Variants in PRG4 observed in about 807,000 individuals in gnomAD.
PRG4 encodes proteoglycan 4.
PRG4 carries 61 observed loss-of-function variants against 91.2 expected under a neutral mutation model. That is an observed-to-expected ratio of 0.67 (90% CI 0.54 to 0.83). The LOEUF is 0.83. Among genes scored for constraint, PRG4 ranks in the 40% least tolerant of loss-of-function variants. The pLI, the probability that PRG4 is intolerant of heterozygous loss-of-function variation, is 0.00. For synonymous variants in PRG4, 576 were observed against 614.2 expected (o/e 0.94, Z 0.92); for missense variants, 1,564 against 1,714.2 (o/e 0.91, Z 1.55).
Position 186,300,073 on chromosome 1 carries a change from A to G in PRG4, c.77-18A>G, listed in dbSNP as rs771191587. On this transcript the variant is annotated intron_variant, in intron 2 of 12. Coordinates refer to ENST00000445192, the MANE Select transcript of PRG4 (RefSeq NM_005807.6). ...AAAGTGGTTTGGCCATATTTACGCCAGTATTGTATAATTTTAGATTTATCA... is the reference window on the plus strand; with the variant it reads ...AAAGTGGTTTGGCCATATTTACGCCGGTATTGTATAATTTTAGATTTATCA... The G allele has an allele frequency of 3.7e-6, 6 of 1,613,866 alleles. No homozygotes were observed. The Admixed American group carries it at 1.0e-4, about 27-fold the overall frequency.
At chr1:186,312,442 G>A in intron 11 of PRG4, 70 bp downstream of exon 11, 14 of 1,392,028 alleles carry the variant, frequency 1.0e-5, no homozygotes, top group Non-Finnish European at 1.4e-5. Context: ...TATACAGTAA[G>A]GCTTATGAAA....
chr1:186,308,702 ACT>A lies in PRG4; in HGVS notation c.2984_2985del (p.Thr995ArgfsTer7). The A allele has an allele frequency of 6.2e-7, 1 of 1,613,332 alleles. No individual in the cohort carries two copies. The highest frequency in any genetic ancestry group is 8.5e-7 in the Non-Finnish European group (1 of 1,179,870). Reference protein sequence around the residue: ...VTTTKKTITTTEIMNKPEETA... With the variant: ...VTTTKKTITTXEIMNKPEETA... ...TACAACAAAAAAGACAATTACTACCACTGAGATTATGAACAAACCTGAAGAAA... is the reference window on the plus strand; with the variant it reads ...TACAACAAAAAAGACAATTACTACCAGAGATTATGAACAAACCTGAAGAAA... On this transcript the variant is annotated frameshift_variant, in exon 7 of 13. Transcript: ENST00000445192. LOFTEE classifies it high-confidence loss of function.
At chr1:186,312,088 C>T (rs1450710617) in intron 10 of PRG4, 87 bp from the exon 11 acceptor site, 38 of 1,104,176 alleles carry the variant, frequency 3.4e-5, no homozygotes, top group Non-Finnish European at 4.9e-5. Context: ...AAACTGTTTC[C>T]TATACATTGT....
intron 3 of PRG4, among the ~76,000 whole-genome samples, chr1:186,301,212 A>G (rs1656194719): frequency 6.6e-6 from 1 of 152,190 alleles, no homozygotes; most frequent in African/African-American, 2.4e-5. Context: ...ACATTCAATT[A>G]CTGTGAATCT....
Position 186,308,765 on chromosome 1 carries a change from G to T in PRG4, c.3046G>T (p.Ala1016Ser). ...KPKDRATNSK[A>S]TTPKPQKPTK... is the part of the protein sequence containing the mutation. ...AAAAGACAGAGCTACTAATTCTAAA[G>T]CGACAACTCCTAAACCTCAAAAGCC... The change falls in exon 7 of 13, where the codon GCG becomes TCG. Residue 1016 changes from alanine (A) to serine (S), a missense_variant. This residue lies in a region of PRG4 where 1,079 missense variants were observed against 1,162.2 expected (regional missense o/e 0.93). Transcript: ENST00000445192. 1 of 1,613,632 alleles carries T rather than the reference G, an allele frequency of 6.2e-7. No individual in the cohort carries two copies. The highest frequency in any genetic ancestry group is 8.5e-7 in the Non-Finnish European group (1 of 1,179,928).
chr1:186,311,294 C>A (rs1657203394), intron 9 of PRG4, 124 bp downstream of exon 9: 3 of 1,411,682 alleles, frequency 2.1e-6, no homozygotes. Context: ...AAAATTTAAT[C>A]ATAATTCAAC....
intron 8 of PRG4, 96 bp from the exon 9 acceptor site, chr1:186,310,938 C>T: frequency 1.5e-6 from 2 of 1,353,776 alleles, no homozygotes; most frequent in African/African-American, 1.4e-5. Flanking sequence ...TCCAGTCATA[C>T]AATGCATAAG....
chr1:186,296,458 T>C (rs1655868550), intron 1 of PRG4, among the ~76,000 whole-genome samples, 165 bp downstream of exon 1: 1 of 152,206 alleles, frequency 6.6e-6, no homozygotes, highest in Admixed American at 6.5e-5. Flanking sequence ...TAAGAAAAAG[T>C]TGGAACAGTA....
At chr1:186,298,996 T>C (rs1370380430) in intron 2 of PRG4, among the ~76,000 whole-genome samples, 1 of 152,228 alleles carries the variant, frequency 6.6e-6, no homozygotes, top group Non-Finnish European at 1.5e-5. Flanking sequence ...ATATTCAGAC[T>C]TTGGCATTCC....
In PRG4 at chr1:186,300,148, A is replaced by G. The variant is rs755333400; in HGVS notation, c.134A>G (p.Asn45Ser). The change falls in exon 3 of 13, where the codon AAC becomes AGC. Residue 45 changes from asparagine (N) to serine (S), a missense_variant. By Grantham distance (46) the Asn-to-Ser change is conservative. This residue lies in a region of PRG4 where 437 missense variants were observed against 459.0 expected (regional missense o/e 0.95). Transcript: ENST00000445192. ...GGGTATTCTAGAGATGCCACCTGCA[A>G]CTGTGATTATAACTGTCAACACTAC... ...GEGYSRDATC[N>S]CDYNCQHYME... 1.2e-6 allele frequency: 2 copies of G among 1,614,138 alleles called. No individual in the cohort carries two copies. The highest frequency in any genetic ancestry group is 1.7e-6 in the Non-Finnish European group (2 of 1,179,980).
At position 186,306,712 on chromosome 1, in the gene PRG4, T is replaced by C. The variant is rs1449053762; in HGVS notation, c.993T>C (p.Pro331=). The change falls in exon 7 of 13, where the codon CCT becomes CCC. Residue 331 remains proline (P), a synonymous_variant. Transcript: ENST00000445192. ...LAPTSKVLAK[P]TPKAETTTKG... is the part of the protein sequence containing the mutation. ...CCACATCTAAAGTGCTGGCTAAACC[T>C]ACACCCAAAGCTGAAACTACAACCA... 1 of 1,613,690 alleles carries C rather than the reference T, an allele frequency of 6.2e-7. No individual in the cohort carries two copies. The highest frequency in any genetic ancestry group is 8.5e-7 in the Non-Finnish European group (1 of 1,179,766).
rs1382068016 is a variant in PRG4 at position 186,304,660 on chromosome 1, G to C, written c.470-134G>C. 3.6e-5 allele frequency: 40 copies of C among 1,119,138 alleles called. No homozygotes were observed. The Admixed American group carries it at 8.6e-4, about 24-fold the overall frequency. The allele number at this position is 1,119,138 out of a possible 1,614,324, so 69.3% of individuals were successfully genotyped here. On this transcript the variant is annotated intron_variant, in intron 5 of 12. Transcript: ENST00000445192. The stretch of plus-strand genomic sequence containing the variant: ...TAACTGACAGATTAAAAGGCAGTTG[G>C]TCATATTACTAATAAAAGCAAAATC...
Position 186,314,161 on chromosome 1 carries a change from T to A in PRG4, c.*383T>A. 2.8e-6 allele frequency: 2 copies of A among 714,282 alleles called. No homozygotes were observed. Among genetic ancestry groups the A allele is most frequent in the Non-Finnish European group, 4.5e-6 (2 of 443,980 alleles). 44.2% of individuals were successfully genotyped at this position (714,282 alleles called of 1,614,324 possible). The stretch of plus-strand genomic sequence containing the variant: ...ACTGTTGGGTATTCTACAACTTCAA[T>A]GGAAATTATTACAAGCAGATTAATC... On this transcript the variant is annotated 3_prime_UTR_variant, in exon 13 of 13. Transcript: ENST00000445192.
Position 186,306,898 on chromosome 1 carries a change from C to A in PRG4, c.1179C>A (p.Pro393=). ...PTTTKSAPTT[P]KEPAPTTTKE... is the part of the protein sequence containing the mutation. ...CCACCAAGTCTGCACCCACCACTCCCAAGGAGCCTGCACCCACCACCACCA... is the reference window on the plus strand; with the variant it reads ...CCACCAAGTCTGCACCCACCACTCCAAAGGAGCCTGCACCCACCACCACCA... The change falls in exon 7 of 13, where the codon CCC becomes CCA. Residue 393 remains proline, a synonymous_variant. Transcript: ENST00000445192. 1 of 1,608,838 alleles carries A rather than the reference C, an allele frequency of 6.2e-7. No homozygotes were observed.
intron 4 of PRG4, 147 bp from the exon 5 acceptor site, chr1:186,303,961 T>C: frequency 2.5e-6 from 2 of 807,720 alleles, no homozygotes; most frequent in Admixed American, 2.0e-5. Flanking sequence ...TAGACTTAAA[T>C]GGAGTCATTC....
chr1:186,308,797 A>G lies in PRG4; in HGVS notation c.3078A>G (p.Lys1026=). The part of the protein sequence containing the change: ...ATTPKPQKPT[K]APKKPTSTKK... ...CTCCTAAACCTCAAAAGCCAACCAA[A>G]GCACCCAAAAAACCCACTTCTACCA... The change falls in exon 7 of 13, where the codon AAA becomes AAG. Residue 1026 remains lysine, a synonymous_variant. Transcript: ENST00000445192. 1 of 1,613,930 alleles carries G rather than the reference A, an allele frequency of 6.2e-7. No homozygotes were observed. The highest frequency in any genetic ancestry group is 8.5e-7 in the Non-Finnish European group (1 of 1,180,012).
intron 10 of PRG4, 87 bp downstream of exon 10, chr1:186,311,683 G>T: frequency 7.3e-7 from 1 of 1,363,500 alleles, no homozygotes; most frequent in Non-Finnish European, 1.0e-6. Flanking sequence ...ACTGTCAAAA[G>T]ATATCTTTAA....
rs540866740 is a variant in PRG4 at position 186,300,990 on chromosome 1, G to A, written c.200-602G>A. 8.5e-4 allele frequency among the ~76,000 whole-genome samples: 130 copies of A among 152,192 alleles called. 2 individuals carry two copies. Among genetic ancestry groups the A allele is most frequent in the African/African-American group, 2.9e-3 (121 of 41,526 alleles). ...GTAAGTCCCTGTTAACTCTAACAAA[G>A]GCTTTTTAAATTTTCATTTTTTAAA... On this transcript the variant is annotated intron_variant, in intron 3 of 12. Coordinates refer to ENST00000445192, the MANE Select transcript of PRG4 (RefSeq NM_005807.6).
chr1:186,302,815 G>T (rs892443474), intron 4 of PRG4, among the ~76,000 whole-genome samples: 2 of 152,152 alleles, frequency 1.3e-5, no homozygotes, highest in Non-Finnish European at 2.9e-5. Context: ...TTGGGCAGAG[G>T]ATGTCTAGGG....
Sources: gnomAD v4.1 joint callset for allele counts (sites outside exome capture counted in the v4.1 genomes callset) on GRCh38, gnomAD v4.1.1 for gene constraint, gnomAD v4.1.1 regional missense constraint, MANE v1.5 for transcripts, NCBI Gene and HGNC (gene_info 2026-07-23, HGNC 2026-07-21) for gene names.